The following CAMKK1 variants were observed in gnomAD, a reference collection of about 807,000 sequenced individuals.
CAMKK1 encodes the protein calcium/calmodulin dependent protein kinase kinase 1.
A neutral mutation model predicts 63.5 loss-of-function variants in CAMKK1; 20 were observed. That is an observed-to-expected ratio of 0.32 (90% CI 0.22 to 0.46). The LOEUF (loss-of-function observed/expected upper bound fraction) is 0.46, where lower values mean the gene tolerates loss of function less well. CAMKK1 is among the 20% of genes least tolerant of loss of function. The pLI, the probability that CAMKK1 is intolerant of heterozygous loss-of-function variation, is 1.00. For missense variants in CAMKK1, 588 were observed against 658.1 expected (o/e 0.89, Z 1.17); for synonymous variants, 253 against 269.0 (o/e 0.94, Z 0.58).
chr17:3,870,428 C>A (rs949612326), intron 12 of CAMKK1, among the ~76,000 whole-genome samples: 13 of 151,732 alleles, frequency 8.6e-5, no homozygotes, highest in Non-Finnish European at 1.8e-4. Context: ...TGCAGTGGCG[C>A]AATCTCGGCT....
At chr17:3,888,363 CAGA>C (rs1384180171) in intron 1 of CAMKK1, among the ~76,000 whole-genome samples, 2 of 152,192 alleles carry the variant, frequency 1.3e-5, no homozygotes, top group Non-Finnish European at 2.9e-5. Context: ...CAAGTCGGGG[CAGA>C]AGGTTTCCTG....
At chr17:3,880,131 G>A (rs1157537592) in intron 9 of CAMKK1, 9 of 575,030 alleles carry the variant, frequency 1.6e-5, no homozygotes, top group South Asian at 1.5e-4. Context: ...CAGACACGAC[G>A]AAGGATCTGG....
At position 3,860,912 on chromosome 17, in the gene CAMKK1, A is replaced by G. The variant is rs529431587; in HGVS notation, c.*1299T>C. ...AACAGGACACCCACACCTGTGGCCA[A>G]AAGCCCTTGTCCATCCATGTTTCCA... is the stretch of plus-strand genomic sequence containing the variant. On this transcript the variant is annotated 3_prime_UTR_variant, in exon 16 of 16. Transcript: ENST00000348335. The G allele has an allele frequency of 2.0e-5, 3 of 152,392 alleles. No individual in the cohort carries two copies. Among genetic ancestry groups the G allele is most frequent in the African/African-American group, 7.2e-5 (3 of 41,582 alleles). The allele number at this position is 152,392 out of a possible 1,614,324, so 9.4% of individuals were successfully genotyped here.
chr17:3,867,702 C>A (rs1402558268), intron 14 of CAMKK1, among the ~76,000 whole-genome samples: 1 of 152,018 alleles, frequency 6.6e-6, no homozygotes. Context: ...CCCAGCTGGG[C>A]CGGGACCCTG....
chr17:3,885,022 G>T (rs1305136812), intron 2 of CAMKK1, among the ~76,000 whole-genome samples: 1 of 152,294 alleles, frequency 6.6e-6, no homozygotes, highest in Non-Finnish European at 1.5e-5. Context: ...AGAAGAGTTA[G>T]GGGGGAAGGG....
At chr17:3,865,555 G>A in intron 15 of CAMKK1, 1 of 1,058,698 alleles carries the variant, frequency 9.4e-7, no homozygotes. Flanking sequence ...AGGGCTGAGG[G>A]GGCCACAGAT....
In CAMKK1 at chr17:3,890,749, G is replaced by T. The variant is rs2055869847; in HGVS notation, c.-44+2190C>A. 1 of 779,708 alleles carries T rather than the reference G, an allele frequency of 1.3e-6. No individual in the cohort carries two copies. The highest frequency in any genetic ancestry group is 2.4e-5 in the East Asian group (1 of 41,242). 48.3% of individuals were successfully genotyped at this position (779,708 alleles called of 1,614,324 possible). ...ATTGCATACTCTGTTCTGCTGCCAG[G>T]CCTCAGTACAAGCTGTGCCTTCTGC... On this transcript the variant is annotated intron_variant, in intron 1 of 15. Coordinates refer to ENST00000348335, the MANE Select transcript of CAMKK1 (RefSeq NM_032294.3). This position sits in a 1 kb window ranked among gnomAD's most constrained non-coding sequence, Gnocchi z 6.5.
chr17:3,883,117 C>CTG lies in CAMKK1; in HGVS notation c.572_573insCA (p.Pro192SerfsTer13). 1 of 1,613,502 alleles carries CTG rather than the reference C, an allele frequency of 6.2e-7. No individual in the cohort carries two copies. The highest frequency in any genetic ancestry group is 8.5e-7 in the Non-Finnish European group (1 of 1,179,964). The stretch of plus-strand genomic sequence containing the variant: ...TCTCCTGGTACACCCGCTCCAGGGG[C>CTG]AGCAGCTGCTTGGCTGGTCCTCCCT... On this transcript the variant is annotated frameshift_variant, in exon 6 of 16. Coordinates refer to ENST00000348335, the MANE Select transcript of CAMKK1 (RefSeq NM_032294.3). LOFTEE classifies it high-confidence loss of function. The surrounding 1 kb of genome is among the most constrained non-coding windows in gnomAD (Gnocchi z 4.7).
Position 3,862,387 on chromosome 17 carries a change from A to C in CAMKK1, c.1446-104T>G. 1 of 989,928 alleles carries C rather than the reference A, an allele frequency of 1.0e-6. No homozygotes were observed. Among genetic ancestry groups the C allele is most frequent in the Non-Finnish European group, 1.5e-6 (1 of 646,838 alleles). The allele number at this position is 989,928 out of a possible 1,614,324, so 61.3% of individuals were successfully genotyped here. ...AGGAATCTGAATCCCACATCTCTCA[A>C]AGCCCCCTTCACCCACTGCCCCAAG... On this transcript the variant is annotated intron_variant, in intron 15 of 15. Coordinates refer to ENST00000348335, the MANE Select transcript of CAMKK1 (RefSeq NM_032294.3). This position sits in a 1 kb window ranked among gnomAD's most constrained non-coding sequence, Gnocchi z 4.1.
chr17:3,876,119 TAG>T, intron 10 of CAMKK1, 102 bp downstream of exon 10: 2 of 1,098,286 alleles, frequency 1.8e-6, no homozygotes, highest in East Asian at 5.2e-5. Flanking sequence ...TGTCACTCCC[TAG>T]ACACAAAGAC....
intron 14 of CAMKK1, among the ~76,000 whole-genome samples, chr17:3,868,387 C>CG (rs762377713): frequency 6.2e-5 from 9 of 145,266 alleles, no homozygotes; most frequent in East Asian, 2.1e-4. Context: ...GAGACGCAGG[C>CG]CCATCTAACT....
rs762474194 is a variant in CAMKK1 at position 3,885,541 on chromosome 17, T to C, written c.147A>G (p.Arg49=). 1 of 1,613,932 alleles carries C rather than the reference T, an allele frequency of 6.2e-7. No homozygotes were observed. The highest frequency in any genetic ancestry group is 8.5e-7 in the Non-Finnish European group (1 of 1,180,016). The change falls in exon 2 of 16, where the codon AGA becomes AGG. Residue 49 remains arginine, a synonymous_variant. Coordinates refer to ENST00000348335, the MANE Select transcript of CAMKK1 (RefSeq NM_032294.3). ...RNGVDPPPRA[R]AASVIPGSTS... is the part of the protein sequence containing the mutation. Reference sequence around the variant, plus strand: ...TACTGCCAGGGATCACAGAGGCAGCTCTGGCCCGTGGTGGGGGGTCCACAC... The same window carrying C: ...TACTGCCAGGGATCACAGAGGCAGCCCTGGCCCGTGGTGGGGGGTCCACAC...
At chr17:3,872,501 C>CA in intron 12 of CAMKK1, 53 bp downstream of exon 12, 1 of 1,498,456 alleles carries the variant, frequency 6.7e-7, no homozygotes, top group Non-Finnish European at 9.3e-7. Flanking sequence ...TGCTAAAACT[C>CA]AGACACCAGG....
chr17:3,871,151 A>T (rs986417189), intron 12 of CAMKK1, among the ~76,000 whole-genome samples: 1 of 152,022 alleles, frequency 6.6e-6, no homozygotes, highest in African/African-American at 2.4e-5. Context: ...AGGTGGCTAG[A>T]TAAGTCTGGG....
chr17:3,890,654 C>A lies in CAMKK1; in HGVS notation c.-44+2285G>T. ...AGCCCTCCTTGTCACTCGTCCTTTC[C>A]CTGTTGCCCACCCTTGCTCCCCACA... is the stretch of plus-strand genomic sequence containing the variant. On this transcript the variant is annotated intron_variant, in intron 1 of 15. Transcript: ENST00000348335. The surrounding 1 kb of genome is among the most constrained non-coding windows in gnomAD (Gnocchi z 6.5). 1 of 779,712 alleles carries A rather than the reference C, an allele frequency of 1.3e-6. No homozygotes were observed. The highest frequency in any genetic ancestry group is 2.4e-5 in the East Asian group (1 of 41,250). 48.3% of individuals were successfully genotyped at this position (779,712 alleles called of 1,614,324 possible).
At chr17:3,875,323 CTCAG>C (rs1336442210) in intron 10 of CAMKK1, among the ~76,000 whole-genome samples, 1 of 152,162 alleles carries the variant, frequency 6.6e-6, no homozygotes, top group African/African-American at 2.4e-5. Flanking sequence ...CAAGGTGTCG[CTCAG>C]TCACTCAGGC....
Position 3,862,185 on chromosome 17 carries a change from G to A in CAMKK1, c.*26C>T, listed in dbSNP as rs372881426. ...GGAGGCGCGGGATGAGTGTGCTGCC[G>A]GGTGGCCCTGGGTGCATGCAGGGGC... On this transcript the variant is annotated 3_prime_UTR_variant, in exon 16 of 16. Transcript: ENST00000348335. The surrounding 1 kb of genome is among the most constrained non-coding windows in gnomAD (Gnocchi z 4.1). 3.2e-6 allele frequency: 5 copies of A among 1,561,740 alleles called. No individual in the cohort carries two copies. The highest frequency in any genetic ancestry group is 2.7e-5 in the African/African-American group (2 of 73,632).
chr17:3,877,950 G>T (rs945327982), intron 9 of CAMKK1, among the ~76,000 whole-genome samples: 19 of 152,070 alleles, frequency 1.2e-4, no homozygotes, highest in African/African-American at 4.6e-4. Context: ...TGATTTCTCT[G>T]CCTGCAATGC....
In CAMKK1 at chr17:3,884,520, A is replaced by C; in HGVS notation, c.361-93T>G. ...CGTTCAGGGTCCAATTCTGGCCATAAGCTCCTCATTCCCGGACCCCCAGGT... is the reference window on the plus strand; with the variant it reads ...CGTTCAGGGTCCAATTCTGGCCATACGCTCCTCATTCCCGGACCCCCAGGT... On this transcript the variant is annotated intron_variant, in intron 2 of 15. Transcript: ENST00000348335. This position sits in a 1 kb window ranked among gnomAD's most constrained non-coding sequence, Gnocchi z 4.5. 2 of 1,219,668 alleles carry C rather than the reference A, an allele frequency of 1.6e-6. No individual in the cohort carries two copies. The highest frequency in any genetic ancestry group is 2.1e-5 in the Admixed American group (1 of 48,162). The allele number at this position is 1,219,668 out of a possible 1,614,324, so 75.6% of individuals were successfully genotyped here.
Sources: allele counts gnomAD v4.1 joint callset (sites outside exome capture counted in the v4.1 genomes callset), GRCh38; gene constraint gnomAD v4.1.1; non-coding constraint Gnocchi (gnomAD v3.1); transcripts MANE v1.5; gene names NCBI Gene and HGNC (gene_info 2026-07-23, HGNC 2026-07-21).